The following SYNPR variants were observed in gnomAD, a reference collection of about 807,000 sequenced individuals.
SYNPR encodes the protein synaptoporin.
Under a neutral mutation model 32.9 loss-of-function variants are expected in SYNPR, and 23 were observed. The ratio of observed to expected loss-of-function variants is 0.70; its 90% confidence interval spans 0.50 to 0.99. SYNPR has a LOEUF of 0.99. SYNPR is among the 50% of genes least tolerant of loss of function. SYNPR has a pLI of 0.00. For synonymous variants in SYNPR, 146 were observed against 135.9 expected (o/e 1.07, Z -0.52); for missense variants, 318 against 349.3 (o/e 0.91, Z 0.71).
intron 3 of SYNPR, among the ~76,000 whole-genome samples, chr3:63,551,915 G>A (rs1043940563): frequency 3.0e-5 from 4 of 135,164 alleles, no homozygotes; most frequent in African/African-American, 5.5e-5. Context: ...TTATTTATTT[G>A]AGACGGAGCT....
intron 2 of SYNPR, among the ~76,000 whole-genome samples, chr3:63,416,777 TC>T (rs551608256): frequency 1.5e-4 from 23 of 150,868 alleles, no homozygotes; most frequent in Admixed American, 1.3e-3. Context: ...GCAGGAAAAT[TC>T]CCCCCTGTAA....
intron 1 of SYNPR, among the ~76,000 whole-genome samples, chr3:63,250,808 A>G (rs1282769482): frequency 6.6e-6 from 1 of 152,072 alleles, no homozygotes; most frequent in Non-Finnish European, 1.5e-5. Context: ...GCCTACTCAG[A>G]CTTTTGGTTC....
intron 2 of SYNPR, among the ~76,000 whole-genome samples, chr3:63,355,633 C>T (rs943729591): frequency 2.6e-5 from 4 of 152,148 alleles, no homozygotes; most frequent in Admixed American, 6.5e-5. Flanking sequence ...TCTGATGCAC[C>T]GGTCCCTGCT....
the SYNPR span, among the ~76,000 whole-genome samples, chr3:63,217,667 T>A: frequency 6.6e-6 from 1 of 151,640 alleles, no homozygotes; most frequent in East Asian, 1.9e-4. Context: ...ATCACCCGTC[T>A]TCTGCGTCGC....
chr3:63,342,683 A>G (rs2087385346), intron 2 of SYNPR, among the ~76,000 whole-genome samples: 2 of 152,352 alleles, frequency 1.3e-5, no homozygotes, highest in South Asian at 4.1e-4. Flanking sequence ...AGATTATGTA[A>G]AATTGATGGT....
chr3:63,270,190 T>C (rs569941156), intron 3 of SYNPR, among the ~76,000 whole-genome samples: 7 of 152,206 alleles, frequency 4.6e-5, no homozygotes, highest in African/African-American at 1.7e-4. Context: ...CAAAACATAA[T>C]AGCATGAACA....
chr3:63,307,328 C>G (rs1283900308), intron 2 of SYNPR, among the ~76,000 whole-genome samples: 2 of 151,972 alleles, frequency 1.3e-5, no homozygotes, highest in African/African-American at 2.4e-5. Context: ...TCCCCATCAC[C>G]CTTATCACCT....
intron 2 of SYNPR, among the ~76,000 whole-genome samples, chr3:63,478,446 A>G (rs1048524926): frequency 2.6e-5 from 4 of 152,188 alleles, no homozygotes; most frequent in African/African-American, 7.2e-5. Context: ...CTATAGGAAT[A>G]TTAAGCTTCA....
intron 3 of SYNPR, among the ~76,000 whole-genome samples, chr3:63,549,010 A>G (rs1702458157): frequency 6.6e-6 from 1 of 152,208 alleles, no homozygotes; most frequent in Admixed American, 6.5e-5. Flanking sequence ...GTTTTACCTA[A>G]TGTCTCACTT....
intron 2 of SYNPR, among the ~76,000 whole-genome samples, chr3:63,371,568 A>T (rs2107052963): frequency 6.6e-6 from 1 of 152,254 alleles, no homozygotes; most frequent in African/African-American, 2.4e-5. Flanking sequence ...GCAAGCCACT[A>T]TTTTTGCTGC....
chr3:63,289,991 G>A (rs1329230709), intron 2 of SYNPR, among the ~76,000 whole-genome samples: 23 of 151,904 alleles, frequency 1.5e-4, no homozygotes, highest in Admixed American at 1.2e-3. Context: ...TTAGCCGGGC[G>A]TGGTGGCGGG....
At chr3:63,562,882 T>A (rs550666821) in intron 4 of SYNPR, among the ~76,000 whole-genome samples, 3 of 152,194 alleles carry the variant, frequency 2.0e-5, no homozygotes, top group African/African-American at 7.2e-5. Flanking sequence ...TGGAAGCTGT[T>A]ACTTCACGTA....
intron 4 of SYNPR, among the ~76,000 whole-genome samples, chr3:63,564,587 A>G (rs544487065): frequency 6.6e-6 from 1 of 152,118 alleles, no homozygotes; most frequent in South Asian, 2.1e-4. Flanking sequence ...CCTTAAATGA[A>G]CTCATAATCT....
chr3:63,474,351 T>C (rs1000968548), intron 2 of SYNPR, among the ~76,000 whole-genome samples: 1 of 152,188 alleles, frequency 6.6e-6, no homozygotes, highest in African/African-American at 2.4e-5. Flanking sequence ...TTGGTGTGTA[T>C]GAGGACTGAC....
At chr3:63,411,041 C>T (rs1021628130) in intron 2 of SYNPR, among the ~76,000 whole-genome samples, 1 of 152,188 alleles carries the variant, frequency 6.6e-6, no homozygotes. Context: ...ACTCACTGTT[C>T]TTTAATGAAC....
chr3:63,239,938 A>T (rs1030829388), intron 1 of SYNPR, among the ~76,000 whole-genome samples: 1 of 152,128 alleles, frequency 6.6e-6, no homozygotes, highest in Non-Finnish European at 1.5e-5. Flanking sequence ...AAAGATTTAT[A>T]AGATGGAAAT....
chr3:63,455,248 C>A (rs1700459754), intron 2 of SYNPR, among the ~76,000 whole-genome samples: 1 of 152,020 alleles, frequency 6.6e-6, no homozygotes, highest in Non-Finnish European at 1.5e-5. Flanking sequence ...ACAAAAATAT[C>A]ATTTCTAATT....
intron 3 of SYNPR, among the ~76,000 whole-genome samples, chr3:63,500,830 C>T (rs1188990525): frequency 6.6e-6 from 1 of 152,082 alleles, no homozygotes; most frequent in Non-Finnish European, 1.5e-5. Flanking sequence ...AGAACTCATT[C>T]AAATGAGTTA....
chr3:63,349,087 A>G (rs1043796754), intron 2 of SYNPR, among the ~76,000 whole-genome samples: 2 of 151,510 alleles, frequency 1.3e-5, no homozygotes, highest in African/African-American at 4.8e-5. Flanking sequence ...TTTGGGCAGT[A>G]TGATAATTTT....
Sources: gnomAD v4.1 joint callset for allele counts (sites outside exome capture counted in the v4.1 genomes callset) on GRCh38, gnomAD v4.1.1 for gene constraint, MANE v1.5 for transcripts, NCBI Gene and HGNC (gene_info 2026-07-23, HGNC 2026-07-21) for gene names.